RBFOX1: variants seen among roughly 807,000 people sequenced by gnomAD.
RBFOX1 encodes the protein RNA binding protein fox-1 homolog 1.
A neutral mutation model predicts 57.7 loss-of-function variants in RBFOX1; 8 were observed. The observed-to-expected ratio is 0.14, with a 90% CI of 0.08 to 0.25. The LOEUF (loss-of-function observed/expected upper bound fraction) is 0.25, where lower values mean the gene tolerates loss of function less well. Ranked by LOEUF, RBFOX1 falls within the 10% of genes least tolerant of loss-of-function variation. The probability of loss-of-function intolerance (pLI) is 1.00; values close to 1 mark genes in which losing one functional copy is unlikely to be tolerated. For missense variants in RBFOX1, 611 were observed against 548.5 expected (o/e 1.11, Z -1.14); for synonymous variants, 326 against 222.4 (o/e 1.47, Z -4.15).
At chr16:6,901,502 G>T (rs1182641604) in intron 3 of RBFOX1, among the ~76,000 whole-genome samples, 1 of 152,152 alleles carries the variant, frequency 6.6e-6, no homozygotes, top group Non-Finnish European at 1.5e-5. Flanking sequence ...TCTCGACCTG[G>T]AATGACAGCA....
chr16:6,668,516 C>G (rs558567519), intron 3 of RBFOX1, among the ~76,000 whole-genome samples: 1 of 152,194 alleles, frequency 6.6e-6, no homozygotes. Flanking sequence ...ATGGATAGTG[C>G]ATGGCTTAAA....
chr16:6,089,078 A>AATAT lies in RBFOX1; in HGVS notation c.-127+69101_-127+69104dup, dbSNP rs1555503293. ...GAAACTCTGTCTCAAAAAAAAAAAAAATATATATATATATATATGATCCTA... is the reference window on the plus strand; with the variant it reads ...GAAACTCTGTCTCAAAAAAAAAAAAAATATATATATATATATATATATGATCCTA... On this transcript the variant is annotated intron_variant, in intron 1 of 15. Coordinates refer to ENST00000550418, the MANE Select transcript of RBFOX1 (RefSeq NM_018723.4). Among the ~76,000 whole-genome samples the AATAT allele has an allele frequency of 1.7e-3, 236 of 137,704 alleles. 1 individual carries two copies. Among genetic ancestry groups the AATAT allele is most frequent in the African/African-American group, 6.1e-3 (224 of 36,814 alleles). The allele number at this position is 137,704 out of a possible 152,430, so 90.3% of individuals were successfully genotyped here. A position where few individuals can be genotyped will look rare whatever the true frequency, so the allele number is the denominator to read the frequency against.
chr16:6,220,549 G>A (rs148700755), intron 1 of RBFOX1, among the ~76,000 whole-genome samples: 1 of 152,248 alleles, frequency 6.6e-6, no homozygotes, highest in African/African-American at 2.4e-5. Flanking sequence ...CTCTCAGTCA[G>A]TGAGATCTTT....
intron 11 of RBFOX1, among the ~76,000 whole-genome samples, chr16:7,640,263 C>T (rs184523665): frequency 1.3e-5 from 2 of 152,194 alleles, no homozygotes; most frequent in South Asian, 4.1e-4. Context: ...CTAGTAGAAC[C>T]TCTCACCCCC....
chr16:6,844,850 T>G (rs935168349), intron 3 of RBFOX1, among the ~76,000 whole-genome samples: 1 of 152,196 alleles, frequency 6.6e-6, no homozygotes, highest in African/African-American at 2.4e-5. Context: ...CAGCACCTGT[T>G]TTTTAATATT....
At chr16:6,368,917 A>G (rs1421210036) in intron 2 of RBFOX1, among the ~76,000 whole-genome samples, 1 of 152,250 alleles carries the variant, frequency 6.6e-6, no homozygotes, top group Non-Finnish European at 1.5e-5. Context: ...ACTACAGAGC[A>G]GTGAAAAATA....
chr16:5,337,297 A>C (rs1211936901), intron 1 of RBFOX1, among the ~76,000 whole-genome samples: 1 of 152,172 alleles, frequency 6.6e-6, no homozygotes, highest in African/African-American at 2.4e-5. Flanking sequence ...ATTTTGTAAA[A>C]GTGTACAGGT....
chr16:6,329,680 C>T (rs1052876023), intron 2 of RBFOX1, among the ~76,000 whole-genome samples: 1 of 152,154 alleles, frequency 6.6e-6, no homozygotes, highest in Non-Finnish European at 1.5e-5. Context: ...GCCTGTAATC[C>T]CAGCACTTTG....
chr16:5,828,179 C>T (rs1387641549), intron 3 of RBFOX1, among the ~76,000 whole-genome samples: 1 of 152,016 alleles, frequency 6.6e-6, no homozygotes, highest in Non-Finnish European at 1.5e-5. Context: ...TCCAATCCAT[C>T]CTTCCATGTA....
chr16:5,862,619 G>A (rs1164829465), intron 3 of RBFOX1, among the ~76,000 whole-genome samples: 1 of 152,140 alleles, frequency 6.6e-6, no homozygotes, highest in Non-Finnish European at 1.5e-5. Flanking sequence ...TAGAGACCGG[G>A]TTCAGTTTAC....
intron 3 of RBFOX1, among the ~76,000 whole-genome samples, chr16:6,700,981 C>T (rs981429479): frequency 5.9e-5 from 9 of 151,904 alleles, no homozygotes; most frequent in Non-Finnish European, 4.4e-5. Context: ...GTACCAGATG[C>T]TTATGAGGGA....
At chr16:7,182,017 A>C (rs2082816492) in intron 4 of RBFOX1, among the ~76,000 whole-genome samples, 1 of 152,230 alleles carries the variant, frequency 6.6e-6, no homozygotes, top group Non-Finnish European at 1.5e-5. Context: ...CCACCAATCT[A>C]ATATACATGA....
At position 5,649,140 on chromosome 16, in the gene RBFOX1, TACATATATATAC is replaced by T. The variant is rs1291400201; in HGVS notation, c.318+50190_318+50201del. On this transcript the variant is annotated intron_variant, in intron 3 of 19. Transcript: ENST00000641259. ...ATATACACACATATATACATACATA[TACATATATATAC>T]ACATATATATGTACATATGTATATA... Among the ~76,000 whole-genome samples, 43 of 152,198 alleles carry T rather than the reference TACATATATATAC, an allele frequency of 2.8e-4. 1 individual carries two copies. In the South Asian group the frequency reaches 8.5e-3, roughly 30 times the overall value.
In RBFOX1 at chr16:7,184,525, G is replaced by C. The variant is rs186292451; in HGVS notation, c.27+132427G>C. On this transcript the variant is annotated intron_variant, in intron 4 of 15. Coordinates refer to ENST00000550418, the MANE Select transcript of RBFOX1 (RefSeq NM_018723.4). ...TTGCAGCCCTGTCTCATGGTCAAAA[G>C]TTAGCCAAGTGATTGAAGTATGACA... Among the ~76,000 whole-genome samples, 52 of 152,348 alleles carry C rather than the reference G, an allele frequency of 3.4e-4. 2 individuals are homozygous for C. The highest frequency in any genetic ancestry group is 4.4e-5 in the Non-Finnish European group (3 of 68,022).
intron 2 of RBFOX1, among the ~76,000 whole-genome samples, chr16:6,526,588 TG>T (rs961645115): frequency 4.6e-5 from 7 of 151,986 alleles, no homozygotes; most frequent in African/African-American, 1.7e-4. Context: ...CCCAGCACTT[TG>T]GGAGGTGGAG....
chr16:5,509,165 C>G (rs1468713695), intron 2 of RBFOX1, among the ~76,000 whole-genome samples: 2 of 152,220 alleles, frequency 1.3e-5, no homozygotes, highest in Non-Finnish European at 2.9e-5. Context: ...CGATCCCCCA[C>G]TGGGATTTGT....
chr16:6,343,935 C>T lies in RBFOX1; in HGVS notation c.-64+26878C>T, dbSNP rs549236110. 6.6e-5 allele frequency among the ~76,000 whole-genome samples: 10 copies of T among 152,302 alleles called. No individual in the cohort carries two copies. In the East Asian group the frequency reaches 1.2e-3, roughly 18 times the overall value. ...TAAATTGCTTGAGGTTTTCACGAGT[C>T]TCTGGCTGTTACAAATGTCAGCTGA... On this transcript the variant is annotated intron_variant, in intron 2 of 15. Coordinates refer to ENST00000550418, the MANE Select transcript of RBFOX1 (RefSeq NM_018723.4).
chr16:6,854,132 A>G (rs1306217970), intron 3 of RBFOX1, among the ~76,000 whole-genome samples: 1 of 152,204 alleles, frequency 6.6e-6, no homozygotes, highest in African/African-American at 2.4e-5. Context: ...TCTGTATTGT[A>G]AAAGCAACTC....
At chr16:5,599,241 G>T (rs1465798507) in exon 3 of RBFOX1, 1 of 682,126 alleles carries the variant, frequency 1.5e-6, no homozygotes, top group Non-Finnish European at 2.7e-6. Context: ...GGGGCACAGT[G>T]GTTGGTGACA....
Sources: allele counts gnomAD v4.1 joint callset (sites outside exome capture counted in the v4.1 genomes callset), GRCh38; gene constraint gnomAD v4.1.1; transcripts MANE v1.5; gene names NCBI Gene and HGNC (gene_info 2026-07-23, HGNC 2026-07-21).